The following TECR variants were observed in gnomAD, a reference collection of about 807,000 sequenced individuals.
TECR encodes the protein very-long-chain enoyl-CoA reductase.
A neutral mutation model predicts 50.6 loss-of-function variants in TECR; 19 were observed. The ratio of observed to expected loss-of-function variants is 0.38; its 90% CI spans 0.26 to 0.55. TECR has a LOEUF of 0.55. TECR is among the 20% of genes least tolerant of loss of function. TECR has a pLI of 0.79. For synonymous variants in TECR, 168 were observed against 163.5 expected (o/e 1.03, Z -0.21); for missense variants, 313 against 408.3 (o/e 0.77, Z 2.01).
chr19:14,540,421 C>G (rs1031434911), intron 1 of TECR, among the ~76,000 whole-genome samples: 1 of 150,904 alleles, frequency 6.6e-6, no homozygotes, highest in African/African-American at 2.4e-5. Context: ...GAGGCAGAGT[C>G]GTGCTCTGTC....
At position 14,529,626 on chromosome 19, in the gene TECR, A is replaced by C. The variant is rs369850035; in HGVS notation, c.-71A>C. On this transcript the variant is annotated 5_prime_UTR_variant, in exon 1 of 13. Transcript: ENST00000215567. Reference sequence around the variant, plus strand: ...CTATCGCTGCGGTTGCGAGCGCTGTAGGGAGCCTGTGCTGTGCCGCGCAGT... The same window carrying C: ...CTATCGCTGCGGTTGCGAGCGCTGTCGGGAGCCTGTGCTGTGCCGCGCAGT... 51 of 1,611,512 alleles carry C rather than the reference A, an allele frequency of 3.2e-5. No individual in the cohort carries two copies. Among genetic ancestry groups the C allele is most frequent in the African/African-American group, 3.1e-4 (23 of 75,018 alleles).
chr19:14,564,233 G>A lies in TECR; in HGVS notation c.435G>A (p.Thr145=), dbSNP rs777443235. The A allele has an allele frequency of 6.2e-6, 10 of 1,607,644 alleles. No homozygotes were observed. Among genetic ancestry groups the A allele is most frequent in the Admixed American group, 3.3e-5 (2 of 59,954 alleles). Residue 145 remains threonine (T), a synonymous_variant, in exon 7 of 13, where the codon ACG becomes ACA. Coordinates refer to ENST00000215567, the MANE Select transcript of TECR (RefSeq NM_138501.6). The part of the protein sequence containing the change: ...SFHYIKRLLE[T]LFVHRFSHGT... Reference sequence around the variant, plus strand: ...ACTACATCAAGCGCCTGCTGGAGACGCTCTTCGTGCACCGCTTCTCCCATG... The same window carrying A: ...ACTACATCAAGCGCCTGCTGGAGACACTCTTCGTGCACCGCTTCTCCCATG...
chr19:14,535,562 A>ATG (rs2072858283), intron 1 of TECR, among the ~76,000 whole-genome samples: 1 of 27,914 alleles, frequency 3.6e-5, no homozygotes, highest in African/African-American at 1.4e-4. Context: ...ATATATATAT[A>ATG]TATATATATA....
chr19:14,553,966 A>T (rs1034283177), intron 1 of TECR, among the ~76,000 whole-genome samples: 1 of 152,076 alleles, frequency 6.6e-6, no homozygotes, highest in Non-Finnish European at 1.5e-5. Flanking sequence ...GACTCGGGAG[A>T]TGCTTCCTAC....
At chr19:14,531,761 C>T (rs544940753) in intron 1 of TECR, 47 of 152,246 alleles carry the variant, frequency 3.1e-4, no homozygotes, top group African/African-American at 1.1e-3. Context: ...TAATTTTTGA[C>T]ATGGTATCAA....
rs2073955221 is a variant in TECR, at chr19:14,563,172, A to G, written c.67-34A>G. 6.2e-7 allele frequency: 1 copy of G among 1,612,666 alleles called. No homozygotes were observed. The highest frequency in any genetic ancestry group is 1.3e-5 in the African/African-American group (1 of 74,750). Reference sequence around the variant, plus strand: ...CCCATCCTGAGTCTGGGCTCCCCGCAGAGCTGACGTCCCTGCGCCTGTGCT... The same window carrying G: ...CCCATCCTGAGTCTGGGCTCCCCGCGGAGCTGACGTCCCTGCGCCTGTGCT... On this transcript the variant is annotated intron_variant, in intron 2 of 12. Coordinates refer to ENST00000215567, the MANE Select transcript of TECR (RefSeq NM_138501.6). The surrounding 1 kb of genome is among the most constrained non-coding windows in gnomAD (Gnocchi z 5.3).
chr19:14,529,898 T>G (rs1299766318), intron 1 of TECR, 187 bp downstream of exon 1: 1 of 810,234 alleles, frequency 1.2e-6, no homozygotes, highest in Non-Finnish European at 2.0e-6. Flanking sequence ...GCAGGAAGTA[T>G]TTATAAATCT....
chr19:14,545,319 G>A (rs10406927), intron 1 of TECR: 137,165 of 402,826 alleles, frequency 0.34, 25,069 homozygotes, highest in Non-Finnish European at 0.41. Context: ...TGCATTCCCC[G>A]CCAGGGAGCC....
chr19:14,555,320 C>T (rs1343679566), intron 1 of TECR, among the ~76,000 whole-genome samples: 1 of 150,608 alleles, frequency 6.6e-6, no homozygotes, highest in African/African-American at 2.4e-5. Flanking sequence ...GTGATCTCGG[C>T]TCACTGCAAC....
At chr19:14,536,359 T>A (rs2072899268) in intron 1 of TECR, among the ~76,000 whole-genome samples, 1 of 150,454 alleles carries the variant, frequency 6.6e-6, no homozygotes, top group South Asian at 2.1e-4. Flanking sequence ...AACCTCTGCC[T>A]CCTGGGTTCA....
chr19:14,564,681 C>CT (rs2074019943), intron 7 of TECR, 105 bp from the exon 8 acceptor site: 20 of 1,288,912 alleles, frequency 1.6e-5, no homozygotes, highest in Non-Finnish European at 2.1e-5. Context: ...AAGGCCCCTC[C>CT]TGTCCTTTCC....
intron 1 of TECR, among the ~76,000 whole-genome samples, chr19:14,555,246 A>T (rs2073678485): frequency 6.6e-6 from 1 of 150,490 alleles, no homozygotes. Context: ...ACACCCAGCT[A>T]ATTTTTTATT....
intron 1 of TECR, among the ~76,000 whole-genome samples, chr19:14,535,575 T>A (rs1599415980): frequency 3.2e-5 from 1 of 30,914 alleles, no homozygotes; most frequent in Non-Finnish European, 7.0e-5. Context: ...TATATATATA[T>A]ATATATATAT....
intron 1 of TECR, among the ~76,000 whole-genome samples, chr19:14,540,632 T>C (rs2073066402): frequency 6.6e-6 from 1 of 152,010 alleles, no homozygotes; most frequent in African/African-American, 2.4e-5. Flanking sequence ...CCACAAGTGA[T>C]CCACCTGCCT....
In TECR at chr19:14,563,717, C is replaced by T. The variant is rs752142865; in HGVS notation, c.163+15C>T. 8.7e-6 allele frequency: 14 copies of T among 1,613,218 alleles called. No homozygotes were observed. Among genetic ancestry groups the T allele is most frequent in the Non-Finnish European group, 1.1e-5 (13 of 1,179,924 alleles). The stretch of plus-strand genomic sequence containing the variant: ...CCTGGACCCCAGTGAGTACAGCTGT[C>T]CACTCGGCCCGCCCCCTGGGCTCCT... On this transcript the variant is annotated intron_variant, in intron 4 of 12. Coordinates refer to ENST00000215567, the MANE Select transcript of TECR (RefSeq NM_138501.6). The surrounding 1 kb of genome is among the most constrained non-coding windows in gnomAD (Gnocchi z 5.3).
At chr19:14,558,099 C>T (rs2073794401) in intron 1 of TECR, among the ~76,000 whole-genome samples, 1 of 152,168 alleles carries the variant, frequency 6.6e-6, no homozygotes, top group African/African-American at 2.4e-5. Flanking sequence ...GGGATGATTA[C>T]GGTAACCCTG....
At chr19:14,549,831 T>C (rs1374317186) in intron 1 of TECR, among the ~76,000 whole-genome samples, 3 of 151,808 alleles carry the variant, frequency 2.0e-5, no homozygotes, top group Non-Finnish European at 4.4e-5. Flanking sequence ...TAATCCCAGC[T>C]ACTCAGGAGG....
intron 1 of TECR, among the ~76,000 whole-genome samples, chr19:14,558,148 A>G (rs1489102423): frequency 6.6e-6 from 1 of 152,198 alleles, no homozygotes; most frequent in Non-Finnish European, 1.5e-5. Context: ...TGCCATGAGT[A>G]GATGGAAGTT....
intron 7 of TECR, among the ~76,000 whole-genome samples, 199 bp downstream of exon 7, chr19:14,564,486 C>T (rs1165324370): frequency 1.8e-5 from 2 of 108,632 alleles, no homozygotes; most frequent in Non-Finnish European, 4.1e-5. Flanking sequence ...GCCCCGCCCC[C>T]GTCGGGCCCC....
Sources: allele counts gnomAD v4.1 joint callset (sites outside exome capture counted in the v4.1 genomes callset), GRCh38; gene constraint gnomAD v4.1.1; non-coding constraint Gnocchi (gnomAD v3.1); transcripts MANE v1.5; gene names NCBI Gene and HGNC (gene_info 2026-07-23, HGNC 2026-07-21).